The following PCGF5 variants were observed in gnomAD, a reference collection of about 807,000 sequenced individuals.
PCGF5 encodes the protein polycomb group RING finger protein 5.
Under a neutral mutation model 44.3 loss-of-function variants are expected in PCGF5, and 9 were observed. The ratio of observed to expected loss-of-function variants is 0.20; its 90% CI spans 0.12 to 0.35. The LOEUF (loss-of-function observed/expected upper bound fraction) is 0.35, where lower values mean the gene tolerates loss of function less well. Ranked by LOEUF, PCGF5 falls within the 10% of genes least tolerant of loss-of-function variation. PCGF5 has a pLI of 1.00. For missense variants in PCGF5, 146 were observed against 305.3 expected (o/e 0.48, Z 3.89); for synonymous variants, 95 against 102.5 (o/e 0.93, Z 0.44).
chr10:91,253,854 T>G (rs1408659290), intron 6 of PCGF5, among the ~76,000 whole-genome samples: 1 of 152,060 alleles, frequency 6.6e-6, no homozygotes, highest in Non-Finnish European at 1.5e-5. Flanking sequence ...GGCCATATGG[T>G]CTCTGTTGCA....
intron 1 of PCGF5, among the ~76,000 whole-genome samples, chr10:91,195,072 G>A (rs1270158378): frequency 6.6e-6 from 1 of 152,152 alleles, no homozygotes; most frequent in South Asian, 2.1e-4. Flanking sequence ...AAGCAGCTGA[G>A]AGTGAGGATG....
At chr10:91,173,419 A>T (rs1251015395) in intron 1 of PCGF5, among the ~76,000 whole-genome samples, 1 of 152,222 alleles carries the variant, frequency 6.6e-6, no homozygotes, top group African/African-American at 2.4e-5. Context: ...ATTGTAAAAT[A>T]TAACACATAT....
intron 1 of PCGF5, among the ~76,000 whole-genome samples, chr10:91,195,692 C>T (rs747694922): frequency 2.6e-5 from 4 of 151,916 alleles, no homozygotes; most frequent in Admixed American, 6.6e-5. Context: ...CTGCTTTGGC[C>T]TCCCAGTGTT....
chr10:91,255,568 T>C (rs1382769420), intron 6 of PCGF5, among the ~76,000 whole-genome samples: 1 of 152,106 alleles, frequency 6.6e-6, no homozygotes, highest in Non-Finnish European at 1.5e-5. Flanking sequence ...TGGCTCCAGA[T>C]GTGTAAAGAA....
intron 2 of PCGF5, chr10:91,227,277 T>TCAC (rs1453253885): frequency 2.0e-6 from 1 of 505,992 alleles, no homozygotes; most frequent in East Asian, 6.8e-5. Context: ...TTCTGAGACT[T>TCAC]CAGCTACCTG....
intron 6 of PCGF5, among the ~76,000 whole-genome samples, chr10:91,255,101 G>C (rs541185522): frequency 2.8e-4 from 42 of 152,128 alleles, no homozygotes; most frequent in African/African-American, 1.0e-3. Flanking sequence ...TTTCCTCGGA[G>C]ACCCCACTTA....
upstream of PCGF5, among the ~76,000 whole-genome samples, chr10:91,159,882 C>A (rs1283595193): frequency 6.6e-6 from 1 of 152,166 alleles, no homozygotes; most frequent in African/African-American, 2.4e-5. Flanking sequence ...GGTATTAAGT[C>A]TTTTGGGCTT....
At chr10:91,200,224 C>T (rs73310426) in intron 1 of PCGF5, among the ~76,000 whole-genome samples, 19,646 of 152,162 alleles carry the variant, frequency 0.13, 3,696 homozygotes, top group African/African-American at 0.42. Context: ...TAGAGATGAG[C>T]GTGGAGGAGA....
intron 6 of PCGF5, among the ~76,000 whole-genome samples, chr10:91,256,267 A>G (rs985192781): frequency 3.9e-5 from 6 of 152,142 alleles, no homozygotes; most frequent in Non-Finnish European, 8.8e-5. Flanking sequence ...AATGTCTTTT[A>G]ATATTCTGGA....
intron 6 of PCGF5, among the ~76,000 whole-genome samples, chr10:91,257,225 C>T (rs1845777849): frequency 6.6e-6 from 1 of 152,020 alleles, no homozygotes; most frequent in Non-Finnish European, 1.5e-5. Flanking sequence ...TCACTAGTCA[C>T]TGGGGCTCTG....
chr10:91,184,210 A>C (rs747682982), intron 1 of PCGF5, among the ~76,000 whole-genome samples: 3 of 152,126 alleles, frequency 2.0e-5, no homozygotes, highest in Non-Finnish European at 2.9e-5. Context: ...TCAGTGGTAG[A>C]TTCAGTCTCT....
chr10:91,264,308 T>C, intron 7 of PCGF5, 123 bp from the exon 8 acceptor site: 1 of 733,336 alleles, frequency 1.4e-6, no homozygotes, highest in South Asian at 2.0e-5. Context: ...ATGCCTCCTA[T>C]TTAAAATAAT....
In PCGF5 at chr10:91,180,770, AAGT is replaced by A. The variant is rs1322798312; in HGVS notation, c.-184+17690_-184+17692del. 3.3e-3 allele frequency among the ~76,000 whole-genome samples: 496 copies of A among 152,264 alleles called. 14 individuals carry two copies. In the East Asian group the frequency reaches 0.07, roughly 21 times the overall value. On this transcript the variant is annotated intron_variant, in intron 1 of 9. Coordinates refer to the PCGF5 transcript ENST00000614189. ...TACTGTAGCCCTGTAGTATAGTTTGAAGTTGGGTAGCATGATGCCTCCAGCTTT... is the reference window on the plus strand; with the variant it reads ...TACTGTAGCCCTGTAGTATAGTTTGATGGGTAGCATGATGCCTCCAGCTTT...
In PCGF5 at chr10:91,238,614, T is replaced by TCC. The variant is rs1340371374; in HGVS notation, c.113-1870_113-1869insCC. On this transcript the variant is annotated intron_variant, in intron 2 of 9. Coordinates refer to ENST00000336126, the MANE Select transcript of PCGF5 (RefSeq NM_032373.5). ...CTTTCTTTCTTTCTTTTTTTTTTTT[T>TCC]TTTTTTTTTTTTTTTTTGCCTCTTT... is the stretch of plus-strand genomic sequence containing the variant. Among the ~76,000 whole-genome samples, 143 of 133,402 alleles carry TCC rather than the reference T, an allele frequency of 1.1e-3. 1 individual carries two copies. The highest frequency in any genetic ancestry group is 3.8e-3 in the African/African-American group (135 of 35,154). 87.5% of individuals were successfully genotyped at this position (133,402 alleles called of 152,430 possible). A position where few individuals can be genotyped will look rare whatever the true frequency, so the allele number is the denominator to read the frequency against.
intron 1 of PCGF5, among the ~76,000 whole-genome samples, chr10:91,170,740 C>G (rs530088829): frequency 6.6e-6 from 1 of 152,308 alleles, no homozygotes; most frequent in Admixed American, 6.5e-5. Context: ...ACTGCACAAT[C>G]CAGCAGTTGT....
At chr10:91,208,386 G>C (rs995096533) in intron 1 of PCGF5, among the ~76,000 whole-genome samples, 1 of 152,032 alleles carries the variant, frequency 6.6e-6, no homozygotes, top group Non-Finnish European at 1.5e-5. Context: ...TACCTAATCC[G>C]GGAGTAAGAG....
chr10:91,258,004 G>C (rs7085732), intron 6 of PCGF5, among the ~76,000 whole-genome samples: 18,716 of 152,052 alleles, frequency 0.12, 2,097 homozygotes, highest in African/African-American at 0.3. Flanking sequence ...CTACAAAATA[G>C]ATGAATCTTG....
intron 8 of PCGF5, among the ~76,000 whole-genome samples, chr10:91,267,946 C>T (rs1846085476): frequency 6.6e-6 from 1 of 151,834 alleles, no homozygotes; most frequent in African/African-American, 2.4e-5. Context: ...TTTAAGCTAC[C>T]CAAGATTAAT....
intron 1 of PCGF5, among the ~76,000 whole-genome samples, chr10:91,174,953 C>G (rs1344307027): frequency 6.6e-6 from 1 of 152,172 alleles, no homozygotes; most frequent in Admixed American, 6.5e-5. Context: ...GCAAATAGAC[C>G]TGTGGCAACT....
Sources: allele counts gnomAD v4.1 joint callset (sites outside exome capture counted in the v4.1 genomes callset), GRCh38; gene constraint gnomAD v4.1.1; transcripts MANE v1.5; gene names NCBI Gene and HGNC (gene_info 2026-07-23, HGNC 2026-07-21).